The following DGKI variants were observed in gnomAD, a reference collection of about 807,000 sequenced individuals.
DGKI encodes the protein diacylglycerol kinase iota.
DGKI carries 55 observed loss-of-function variants against 147.5 expected under a neutral mutation model. That is an observed-to-expected ratio of 0.37 (90% confidence interval 0.30 to 0.47). DGKI has a LOEUF of 0.47. DGKI is among the 20% of genes least tolerant of loss of function. The pLI is 1.00. For missense variants in DGKI, 1,007 were observed against 1,323.8 expected, an observed-to-expected ratio of 0.76 and a Z score of 3.71; for synonymous variants, 469 against 477.1, an observed-to-expected ratio of 0.98 and a Z score of 0.22.
chr7:137,426,918 C>T (rs1360449263), intron 28 of DGKI, among the ~76,000 whole-genome samples: 1 of 151,814 alleles, frequency 6.6e-6, no homozygotes, highest in Non-Finnish European at 1.5e-5. Flanking sequence ...GAGTGACCTA[C>T]AAAGAGACTT....
chr7:137,618,562 A>G (rs546546409), intron 8 of DGKI, among the ~76,000 whole-genome samples: 4 of 152,164 alleles, frequency 2.6e-5, no homozygotes, highest in East Asian at 1.9e-4. Context: ...GAGGTTTTCA[A>G]TGGAAAGATG....
intron 21 of DGKI, among the ~76,000 whole-genome samples, chr7:137,518,292 A>G (rs1481414007): frequency 1.3e-5 from 2 of 152,158 alleles, no homozygotes; most frequent in African/African-American, 4.8e-5. Flanking sequence ...TGATCATCAG[A>G]GAAATTAAAT....
intron 28 of DGKI, among the ~76,000 whole-genome samples, chr7:137,414,290 T>G (rs1342461705): frequency 1.3e-5 from 2 of 151,990 alleles, no homozygotes; most frequent in African/African-American, 4.8e-5. Context: ...GAGGGCTACT[T>G]GAACATCAGA....
At chr7:137,646,022 C>T (rs770620338) in intron 5 of DGKI, among the ~76,000 whole-genome samples, 9 of 152,114 alleles carry the variant, frequency 5.9e-5, no homozygotes, top group Non-Finnish European at 1.3e-4. Context: ...AAACACTCTG[C>T]AGATTTGTGA....
chr7:137,821,151 A>G (rs1797885467), intron 1 of DGKI, among the ~76,000 whole-genome samples: 1 of 152,226 alleles, frequency 6.6e-6, no homozygotes, highest in South Asian at 2.1e-4. Flanking sequence ...AGGGCTTCCC[A>G]GAAAACTGGG....
At chr7:137,745,071 T>A (rs1439820763) in intron 1 of DGKI, among the ~76,000 whole-genome samples, 1 of 152,100 alleles carries the variant, frequency 6.6e-6, no homozygotes, top group African/African-American at 2.4e-5. Context: ...GTAACAAATC[T>A]ATACACGTGC....
intron 19 of DGKI, among the ~76,000 whole-genome samples, chr7:137,567,704 G>A (rs897673535): frequency 1.3e-5 from 2 of 152,166 alleles, no homozygotes; most frequent in African/African-American, 4.8e-5. Context: ...ATATTTGTGA[G>A]ACAACTGGAA....
At chr7:137,813,366 G>A (rs1797648869) in intron 1 of DGKI, among the ~76,000 whole-genome samples, 2 of 152,172 alleles carry the variant, frequency 1.3e-5, no homozygotes, top group Admixed American at 1.3e-4. Flanking sequence ...GGTCAGTAAG[G>A]ATGAACCCAA....
At position 137,521,933 on chromosome 7, in the gene DGKI, C is replaced by G. The variant is rs377623660; in HGVS notation, c.2181G>C (p.Arg727=). The change falls in exon 21 of 33, where the codon CGG becomes CGC. Residue 727 remains arginine (R), a synonymous_variant. Coordinates refer to ENST00000614521, the MANE Select transcript of DGKI (RefSeq NM_001321708.2). ...PQSVPDRLRI[R]VNKISLQDYE... is the part of the protein sequence containing the mutation. ...AGTCTTGTAAACTGATTTTGTTCAC[C>G]CGGATCCTCAGACGATCTGGGACAG... 1.6e-5 allele frequency: 25 copies of G among 1,611,696 alleles called. No individual in the cohort carries two copies. The East Asian group carries it at 5.4e-4, about 35-fold the overall frequency.
chr7:137,686,927 CA>C (rs2116438925), intron 2 of DGKI, among the ~76,000 whole-genome samples: 1 of 152,158 alleles, frequency 6.6e-6, no homozygotes, highest in East Asian at 1.9e-4. Context: ...ATCCTAACTC[CA>C]GGTTCACTCT....
chr7:137,572,033 A>T (rs1342469460), intron 18 of DGKI, among the ~76,000 whole-genome samples: 1 of 152,220 alleles, frequency 6.6e-6, no homozygotes, highest in Non-Finnish European at 1.5e-5. Context: ...AATAATCAGG[A>T]GACTATGATG....
chr7:137,555,161 G>C (rs935340111), intron 19 of DGKI, among the ~76,000 whole-genome samples: 2 of 151,446 alleles, frequency 1.3e-5, no homozygotes, highest in African/African-American at 4.8e-5. Flanking sequence ...TGATCCTCCC[G>C]CCTCGGCCTC....
chr7:137,610,316 T>G (rs553273258), intron 8 of DGKI, among the ~76,000 whole-genome samples: 1 of 152,324 alleles, frequency 6.6e-6, no homozygotes, highest in Non-Finnish European at 1.5e-5. Flanking sequence ...CTTATAAAAG[T>G]GCCTCAAACT....
chr7:137,658,823 A>G (rs1306212347), intron 3 of DGKI, among the ~76,000 whole-genome samples: 1 of 152,226 alleles, frequency 6.6e-6, no homozygotes, highest in East Asian at 1.9e-4. Context: ...GCATTAAGAT[A>G]TGCTATCTCT....
intron 20 of DGKI, among the ~76,000 whole-genome samples, chr7:137,536,405 C>T (rs950313481): frequency 1.3e-5 from 2 of 152,046 alleles, no homozygotes; most frequent in Admixed American, 1.3e-4. Flanking sequence ...CACTTTGGTT[C>T]TTGCTAACAG....
Position 137,645,347 on chromosome 7 carries a change from G to A in DGKI, c.804+125C>T, listed in dbSNP as rs1821786367. 5.7e-6 allele frequency: 4 copies of A among 696,244 alleles called. No homozygotes were observed. In the South Asian group the frequency reaches 7.1e-5, roughly 12 times the overall value. The allele number at this position is 696,244 out of a possible 1,614,324, so 43.1% of individuals were successfully genotyped here. On this transcript the variant is annotated intron_variant, in intron 6 of 32. Coordinates refer to ENST00000614521, the MANE Select transcript of DGKI (RefSeq NM_001321708.2). The stretch of plus-strand genomic sequence containing the variant: ...ATGCCTCTTAAGGAGACCTGGACAA[G>A]TAAGGTCTTTCAGAAAGGAACTGAT...
intron 6 of DGKI, among the ~76,000 whole-genome samples, chr7:137,644,961 C>T (rs183947658): frequency 1.1e-4 from 16 of 152,288 alleles, no homozygotes; most frequent in African/African-American, 3.6e-4. Context: ...CTATAACCAG[C>T]CATGATGACA....
In DGKI at chr7:137,493,751, T is replaced by C. The variant is rs190427500; in HGVS notation, c.2249-6062A>G. On this transcript the variant is annotated intron_variant, in intron 21 of 32. Coordinates refer to ENST00000614521, the MANE Select transcript of DGKI (RefSeq NM_001321708.2). ...TGAAAAAGAACCAGCGCGAGAACTC[T>C]GGCAACTCAAAAAGCCAGAGAGTCT... is the stretch of plus-strand genomic sequence containing the variant. 862 of 701,664 alleles carry C rather than the reference T, an allele frequency of 1.2e-3. 6 individuals are homozygous for C. The highest frequency in any genetic ancestry group is 6.3e-3 in the South Asian group (426 of 67,506). 43.5% of individuals were successfully genotyped at this position (701,664 alleles called of 1,614,324 possible).
chr7:137,609,598 C>T lies in DGKI; in HGVS notation c.1005G>A (p.Lys335=), dbSNP rs1820298406. Residue 335 remains lysine (K), a synonymous_variant, in exon 9 of 33, where the codon AAG becomes AAA. Transcript: ENST00000614521. ...IKVKKPQNSL[K]ASNRKKKRTS... Reference sequence around the variant, plus strand: ...TTCTCTTCTTCTTCCGATTTGAAGCCTTCAGGGAGTTCTGTAGGGAGAGAG... The same window carrying T: ...TTCTCTTCTTCTTCCGATTTGAAGCTTTCAGGGAGTTCTGTAGGGAGAGAG... 1.2e-6 allele frequency: 2 copies of T among 1,613,026 alleles called. No homozygotes were observed. Among genetic ancestry groups the T allele is most frequent in the Non-Finnish European group, 8.5e-7 (1 of 1,179,468 alleles).
Sources: gnomAD v4.1 joint callset for allele counts (sites outside exome capture counted in the v4.1 genomes callset) on GRCh38, gnomAD v4.1.1 for gene constraint, MANE v1.5 for transcripts, NCBI Gene and HGNC (gene_info 2026-07-23, HGNC 2026-07-21) for gene names.